Variants in BRD4 observed in about 807,000 individuals in gnomAD.
The protein encoded by BRD4 is bromodomain-containing protein 4.
BRD4 carries 16 observed loss-of-function variants against 142.1 expected under a neutral mutation model. The ratio of observed to expected loss-of-function variants is 0.11; its 90% CI spans 0.08 to 0.17. The LOEUF is 0.17. Ranked by LOEUF, BRD4 falls within the 10% of genes least tolerant of loss-of-function variation. The probability of loss-of-function intolerance (pLI) is 1.00; values close to 1 mark genes in which losing one functional copy is unlikely to be tolerated. For missense variants in BRD4, 1,424 were observed against 1,810.9 expected (o/e 0.79, Z 3.88); for synonymous variants, 833 against 707.5 (o/e 1.18, Z -2.82).
At chr19:15,243,647 A>G (rs750508700) in intron 13 of BRD4, among the ~76,000 whole-genome samples, 160 bp from the exon 14 acceptor site, 22 of 152,140 alleles carry the variant, frequency 1.4e-4, no homozygotes, top group Non-Finnish European at 2.6e-4. Context: ...CACAAACTCC[A>G]GAGCAGTAAA....
rs2145501438 is a variant in BRD4 at position 15,239,593 on chromosome 19, C to A, written c.3445+66G>T. The A allele has an allele frequency of 6.4e-7, 1 of 1,562,402 alleles. No individual in the cohort carries two copies. On this transcript the variant is annotated intron_variant, in intron 16 of 19. Transcript: ENST00000679869. The surrounding 1 kb of genome is among the most constrained non-coding windows in gnomAD (Gnocchi z 7.4). ...GGGGCATGGTCCACCAGCCCCACAG[C>A]AAGCTTATGTCCAACACGGGCCTCG...
chr19:15,289,196 G>C (rs1331381734), intron 1 of BRD4, among the ~76,000 whole-genome samples: 2 of 152,212 alleles, frequency 1.3e-5, no homozygotes, highest in African/African-American at 4.8e-5. Flanking sequence ...GCAGGCTTGA[G>C]ATGTTTCTCC....
intron 1 of BRD4, among the ~76,000 whole-genome samples, chr19:15,330,075 A>G (rs2048143834): frequency 1.3e-5 from 2 of 152,364 alleles, no homozygotes; most frequent in South Asian, 4.1e-4. Context: ...CTTAAAACTC[A>G]GCAGCTACCT....
intron 1 of BRD4, among the ~76,000 whole-genome samples, chr19:15,288,531 G>A (rs575259365): frequency 4.6e-5 from 7 of 152,246 alleles, no homozygotes; most frequent in Non-Finnish European, 8.8e-5. Flanking sequence ...GAATTCATCC[G>A]GAACTGCAGA....
chr19:15,264,100 A>G (rs1485727261), intron 6 of BRD4: 3 of 343,868 alleles, frequency 8.7e-6, no homozygotes, highest in African/African-American at 6.3e-5. Context: ...TGGAGCATCT[A>G]CTGTGTGGGC....
At position 15,261,514 on chromosome 19, in the gene BRD4, A is replaced by G. The variant is rs755151561; in HGVS notation, c.1341+1906T>C. Among the ~76,000 whole-genome samples the G allele has an allele frequency of 2.6e-5, 4 of 152,266 alleles. No homozygotes were observed. In the South Asian group the frequency reaches 8.3e-4, roughly 32 times the overall value. ...AAAGAAAGAAAGAAAGAAAGAAATTAAAAAGCCTGAACTCCTTCAAGGATG... is the reference window on the plus strand; with the variant it reads ...AAAGAAAGAAAGAAAGAAAGAAATTGAAAAGCCTGAACTCCTTCAAGGATG... On this transcript the variant is annotated intron_variant, in intron 7 of 19. Transcript: ENST00000679869.
intron 2 of BRD4, among the ~76,000 whole-genome samples, chr19:15,270,984 T>G (rs946354125): frequency 6.6e-6 from 1 of 152,118 alleles, no homozygotes; most frequent in Non-Finnish European, 1.5e-5. Flanking sequence ...TAGGGACAGG[T>G]AGATTCACAC....
rs201234217 is a variant in BRD4 at position 15,272,973 on chromosome 19, T to C, written c.127A>G (p.Thr43Ala). 31 of 1,614,050 alleles carry C rather than the reference T, an allele frequency of 1.9e-5. No homozygotes were observed. Among genetic ancestry groups the C allele is most frequent in the Non-Finnish European group, 2.5e-5 (30 of 1,180,026 alleles). The change falls in exon 2 of 20, where the codon ACC becomes GCC. Residue 43 changes from threonine (T) to alanine (A), a missense_variant. By Grantham distance (58) the Thr-to-Ala change is moderately conservative (BLOSUM62 0). Transcript: ENST00000679869. ...AQPQPANAAS[T>A]NPPPPETSNP... is the part of the protein sequence containing the mutation. ...GAGGTCTCTGGGGGCGGGGGGTTGG[T>C]GCTGGCTGCGTTGGCTGGCTGGGGT...
intron 1 of BRD4, among the ~76,000 whole-genome samples, chr19:15,329,391 A>T (rs1178103068): frequency 3.3e-5 from 5 of 152,238 alleles, no homozygotes; most frequent in Non-Finnish European, 7.3e-5. Flanking sequence ...TGTCAGAAGC[A>T]GATTTAACAG....
At position 15,257,042 on chromosome 19, in the gene BRD4, A is replaced by G; in HGVS notation, c.1473T>C (p.Asp491=). The stretch of plus-strand genomic sequence containing the variant: ...TCGAACTGTCACTGTCCGAGGAGCT[A>G]TCGCTGCTGCTGTCGCTGGATGAGG... ...APPSSSDSSS[D]SSSDSDSSTD... Residue 491 remains aspartate (D), a synonymous_variant, in exon 8 of 20, where the codon GAT becomes GAC. Transcript: ENST00000679869. 2 of 1,599,836 alleles carry G rather than the reference A, an allele frequency of 1.3e-6. No individual in the cohort carries two copies. The highest frequency in any genetic ancestry group is 1.7e-6 in the Non-Finnish European group (2 of 1,175,040).
intron 1 of BRD4, among the ~76,000 whole-genome samples, chr19:15,305,023 C>CTTT (rs34235278): frequency 3.2e-5 from 4 of 126,412 alleles, no homozygotes; most frequent in Non-Finnish European, 4.9e-5. Flanking sequence ...TTAAGACCAT[C>CTTT]TTTTTTTTTT....
intron 11 of BRD4, chr19:15,253,679 C>T (rs2145562973): frequency 1.3e-6 from 2 of 1,598,436 alleles, no homozygotes; most frequent in Non-Finnish European, 1.7e-6. Flanking sequence ...GTCTGCTCCA[C>T]ATCCACCAGA....
intron 1 of BRD4, among the ~76,000 whole-genome samples, chr19:15,294,493 T>A (rs1441499451): frequency 6.6e-6 from 1 of 152,274 alleles, no homozygotes; most frequent in Non-Finnish European, 1.5e-5. Flanking sequence ...CTTGGTTATC[T>A]TGCCACCTGG....
chr19:15,316,887 T>C (rs1038724186), intron 1 of BRD4, among the ~76,000 whole-genome samples: 4 of 152,200 alleles, frequency 2.6e-5, no homozygotes, highest in Non-Finnish European at 1.5e-5. Flanking sequence ...ACCTCTGCTG[T>C]CCTCATTGAA....
intron 2 of BRD4, among the ~76,000 whole-genome samples, chr19:15,272,180 G>GGGACATGGGCATAT (rs2047595487): frequency 6.6e-6 from 1 of 152,178 alleles, no homozygotes; most frequent in Non-Finnish European, 1.5e-5. Context: ...AAACTCTCCA[G>GGGACATGGGCATAT]GGAAAGAGAA....
intron 10 of BRD4, among the ~76,000 whole-genome samples, chr19:15,254,651 C>T (rs1022218564): frequency 1.3e-5 from 2 of 152,026 alleles, no homozygotes; most frequent in Non-Finnish European, 2.9e-5. Context: ...CAAAAGGTAA[C>T]GCAAGGCAGG....
At chr19:15,321,767 A>C (rs1239496921) in intron 1 of BRD4, among the ~76,000 whole-genome samples, 6 of 152,184 alleles carry the variant, frequency 3.9e-5, no homozygotes, top group Admixed American at 6.5e-5. Flanking sequence ...AATAATCGAC[A>C]AGTAGCTTAC....
rs1269364551 is a variant in BRD4, at chr19:15,265,409, G to T, written c.794C>A (p.Pro265His). The T allele has an allele frequency of 6.5e-7, 1 of 1,546,826 alleles. No individual in the cohort carries two copies. The highest frequency in any genetic ancestry group is 1.4e-5 in the African/African-American group (1 of 73,244). ...PQPQPPPAPAPQPVQSHPPII... is the reference protein window; with the variant it reads ...PQPQPPPAPAHQPVQSHPPII... ...GGGTGGGTGGCTCTGTACGGGCTGG[G>T]GAGCTGGAGCGGGTGGGGGTTGTGG... is the stretch of plus-strand genomic sequence containing the variant. Residue 265 changes from proline to histidine, a missense_variant, in exon 5 of 20, where the codon CCC (proline) becomes CAC (histidine). Pro to His is a moderately conservative substitution (Grantham distance 77, BLOSUM62 -2). Around this residue, in one of 16 missense-constraint regions of BRD4, gnomAD observed 140 missense variants for 131.7 expected, o/e 1.06. Transcript: ENST00000679869.
chr19:15,243,437 C>T lies in BRD4; in HGVS notation c.2632G>A (p.Ala878Thr), dbSNP rs764128043. Reference protein sequence around the residue: ...QQPSRPSNRAAALPPKPARPP... With the variant: ...QQPSRPSNRATALPPKPARPP... ...CGGGCGGGCTTGGGAGGCAGGGCAG[C>T]GGCTCGGTTGCTGGGCCGTGATGGC... The change falls in exon 14 of 20, where the codon GCT becomes ACT. Residue 878 changes from alanine (A) to threonine (T), a missense_variant. By Grantham distance (58) the Ala-to-Thr change is moderately conservative. Transcript: ENST00000679869. The T allele has an allele frequency of 7.0e-6, 11 of 1,573,770 alleles. No homozygotes were observed. The highest frequency in any genetic ancestry group is 1.8e-5 in the Admixed American group (1 of 55,014).
Sources: gnomAD v4.1 joint callset for allele counts (sites outside exome capture counted in the v4.1 genomes callset) on GRCh38, gnomAD v4.1.1 for gene constraint, gnomAD v4.1.1 regional missense constraint, Gnocchi (gnomAD v3.1) non-coding constraint, MANE v1.5 for transcripts, NCBI Gene and HGNC (gene_info 2026-07-23, HGNC 2026-07-21) for gene names.